Variants in OTUD7A observed in about 807,000 individuals in gnomAD.
OTUD7A encodes the protein OTU deubiquitinase 7A.
A neutral mutation model predicts 65.7 loss-of-function variants in OTUD7A; 12 were observed. That is an observed-to-expected ratio of 0.18 (90% CI 0.12 to 0.30). The LOEUF is 0.30. OTUD7A is among the 10% of genes least tolerant of loss of function. The pLI is 1.00. For missense variants in OTUD7A, 1,148 were observed against 1,304.8 expected (o/e 0.88, Z 1.85); for synonymous variants, 641 against 586.3 (o/e 1.09, Z -1.35).
At chr15:31,783,291 G>A (rs573950858) in intron 1 of OTUD7A, among the ~76,000 whole-genome samples, 9 of 152,264 alleles carry the variant, frequency 5.9e-5, no homozygotes, top group Non-Finnish European at 8.8e-5. Context: ...TCTCTCCCCC[G>A]TCTAGGGGCT....
chr15:31,729,693 CA>C (rs1293078903), intron 1 of OTUD7A, among the ~76,000 whole-genome samples: 1 of 152,202 alleles, frequency 6.6e-6, no homozygotes, highest in African/African-American at 2.4e-5. Flanking sequence ...CACCCACATG[CA>C]TGCCCTGAGG....
At chr15:31,778,547 G>A (rs754742862) in intron 1 of OTUD7A, among the ~76,000 whole-genome samples, 3 of 152,198 alleles carry the variant, frequency 2.0e-5, no homozygotes, top group Non-Finnish European at 2.9e-5. Flanking sequence ...TCTGTCCCTC[G>A]TGAGGCAGCC....
At position 31,655,269 on chromosome 15, in the gene OTUD7A, AG is replaced by A. The variant is rs1286430372; in HGVS notation, c.-4-20del. ...CATCCATCTGCAGGAAAGAAGAGAA[AG>A]GGCATTTTACCACGTGATGGAAATG... On this transcript the variant is annotated intron_variant, in intron 2 of 12. Transcript: ENST00000307050. 1 of 1,139,900 alleles carries A rather than the reference AG, an allele frequency of 8.8e-7. No homozygotes were observed. Among genetic ancestry groups the A allele is most frequent in the Non-Finnish European group, 1.3e-6 (1 of 798,486 alleles). The allele number at this position is 1,139,900 out of a possible 1,614,324, so 70.6% of individuals were successfully genotyped here. A position where few individuals can be genotyped will look rare whatever the true frequency, so the allele number is the denominator to read the frequency against.
intron 1 of OTUD7A, among the ~76,000 whole-genome samples, chr15:31,867,887 A>G (rs974493317): frequency 2.1e-5 from 3 of 140,754 alleles, no homozygotes; most frequent in African/African-American, 2.5e-5. Context: ...CTCTTGGAAG[A>G]CAGGCATGCG....
At chr15:31,839,769 C>T (rs1028021329) in intron 1 of OTUD7A, among the ~76,000 whole-genome samples, 1 of 152,230 alleles carries the variant, frequency 6.6e-6, no homozygotes, top group Non-Finnish European at 1.5e-5. Flanking sequence ...ATAAGGGCAT[C>T]GGTCACCATG....
intron 1 of OTUD7A, among the ~76,000 whole-genome samples, chr15:31,690,739 T>C (rs1892942423): frequency 6.6e-6 from 1 of 152,132 alleles, no homozygotes; most frequent in Non-Finnish European, 1.5e-5. Flanking sequence ...TGCAAAATAA[T>C]GAAGTTAGAC....
chr15:31,658,051 G>A (rs1014301939), intron 1 of OTUD7A, among the ~76,000 whole-genome samples: 18 of 152,134 alleles, frequency 1.2e-4, no homozygotes, highest in African/African-American at 3.9e-4. Flanking sequence ...GGGACAGAGC[G>A]TTGGCCCTGG....
chr15:31,867,105 A>G (rs1897896329), intron 1 of OTUD7A, among the ~76,000 whole-genome samples: 1 of 152,114 alleles, frequency 6.6e-6, no homozygotes, highest in Admixed American at 6.6e-5. Context: ...CCAACTCACC[A>G]AAATAGCCCT....
chr15:31,731,945 T>A (rs1258264765), intron 1 of OTUD7A, among the ~76,000 whole-genome samples: 1 of 152,144 alleles, frequency 6.6e-6, no homozygotes, highest in African/African-American at 2.4e-5. Context: ...TAAACAGACA[T>A]TTCCCTTTCA....
rs975299958 is a variant in OTUD7A at position 31,724,209 on chromosome 15, C to T, written c.-99-67132G>A. 4.6e-5 allele frequency among the ~76,000 whole-genome samples: 7 copies of T among 152,062 alleles called. No homozygotes were observed. In the East Asian group the frequency reaches 7.7e-4, roughly 17 times the overall value. ...TGGCTTGTCTTTTCATTTACAAAAA[C>T]GATTTTCCCTACAGAAGTTGAAAAT... On this transcript the variant is annotated intron_variant, in intron 1 of 12. Coordinates refer to ENST00000307050, the MANE Select transcript of OTUD7A (RefSeq NM_001382637.1).
Position 31,484,396 on chromosome 15 carries a change from C to G in OTUD7A, c.1700G>C (p.Gly567Ala). ...NGKNGDSAER[G>A]KEKKAKSRKG... ...GCGCGACTTGGCCTTCTTCTCCTTG[C>G]CCCGCTCGGCCGAGTCCCCGTTCTT... Residue 567 changes from glycine to alanine, a missense_variant, in exon 13 of 13, where the codon GGC becomes GCC. By Grantham distance (60) the Gly-to-Ala change is moderately conservative. This residue lies in a region of OTUD7A where 842 missense variants were observed against 769.5 expected (regional missense o/e 1.09). Transcript: ENST00000307050. This position sits in a 1 kb window ranked among gnomAD's most constrained non-coding sequence, Gnocchi z 4.5. 6.2e-7 allele frequency: 1 copy of G among 1,601,308 alleles called. No homozygotes were observed. Among genetic ancestry groups the G allele is most frequent in the Non-Finnish European group, 8.5e-7 (1 of 1,179,754 alleles).
chr15:31,866,100 T>A (rs1897868944), intron 1 of OTUD7A, among the ~76,000 whole-genome samples: 1 of 152,252 alleles, frequency 6.6e-6, no homozygotes, highest in African/African-American at 2.4e-5. Context: ...AAAACTTGTA[T>A]TAGCATTAAT....
At chr15:31,599,672 G>A (rs960637668) in intron 3 of OTUD7A, among the ~76,000 whole-genome samples, 13 of 151,934 alleles carry the variant, frequency 8.6e-5, no homozygotes, top group African/African-American at 3.1e-4. Context: ...GCTTCAGAAA[G>A]TGGGTAATAA....
At chr15:31,749,666 C>G (rs1461085216) in intron 1 of OTUD7A, among the ~76,000 whole-genome samples, 1 of 152,148 alleles carries the variant, frequency 6.6e-6, no homozygotes, top group Non-Finnish European at 1.5e-5. Flanking sequence ...TGCCCACTTT[C>G]ACCACTCGTA....
intron 3 of OTUD7A, among the ~76,000 whole-genome samples, chr15:31,594,706 A>T (rs987548570): frequency 6.6e-6 from 1 of 152,110 alleles, no homozygotes; most frequent in African/African-American, 2.4e-5. Context: ...ATGAGCCCCC[A>T]CTCATGGAGG....
chr15:31,636,356 A>G (rs1338649182), intron 3 of OTUD7A, among the ~76,000 whole-genome samples: 8 of 152,206 alleles, frequency 5.3e-5, no homozygotes, highest in Non-Finnish European at 1.2e-4. Context: ...TGTAATTACA[A>G]CAGTTCTGGT....
intron 5 of OTUD7A, chr15:31,556,040 C>T (rs1360078252): frequency 1.3e-5 from 2 of 152,192 alleles, no homozygotes; most frequent in Non-Finnish European, 2.9e-5. Flanking sequence ...TGGGGTCTTA[C>T]TATGTTGCTC....
At chr15:31,791,057 T>C (rs1895800877) in intron 1 of OTUD7A, among the ~76,000 whole-genome samples, 1 of 152,226 alleles carries the variant, frequency 6.6e-6, no homozygotes. Flanking sequence ...AGACGGAGTC[T>C]TGTTCTGTCG....
At chr15:31,827,626 A>G (rs1220304358) in intron 1 of OTUD7A, among the ~76,000 whole-genome samples, 1 of 151,816 alleles carries the variant, frequency 6.6e-6, no homozygotes, top group East Asian at 1.9e-4. Flanking sequence ...CTTTTCTAAA[A>G]CTCTTTGTTA....
Sources: gnomAD v4.1 joint callset for allele counts (sites outside exome capture counted in the v4.1 genomes callset) on GRCh38, gnomAD v4.1.1 for gene constraint, gnomAD v4.1.1 regional missense constraint, Gnocchi (gnomAD v3.1) non-coding constraint, MANE v1.5 for transcripts, NCBI Gene and HGNC (gene_info 2026-07-23, HGNC 2026-07-21) for gene names.